Variants in DPH6 observed in about 807,000 individuals in gnomAD.
DPH6 encodes the protein diphthine--ammonia ligase.
DPH6 carries 33 observed loss-of-function variants against 38.2 expected under a neutral mutation model. The ratio of observed to expected loss-of-function variants is 0.86; its 90% CI spans 0.65 to 1.15. The LOEUF (loss-of-function observed/expected upper bound fraction) is 1.15. Ranked by LOEUF, DPH6 falls within the 50% of genes most tolerant of loss-of-function variation. The pLI is 0.00. For synonymous variants in DPH6, 108 were observed against 103.0 expected, an observed-to-expected ratio of 1.05 and a Z score of -0.30; for missense variants, 325 against 320.0, an observed-to-expected ratio of 1.02 and a Z score of -0.12.
At chr15:35,243,107 C>T (rs1203619888) in intron 3 of DPH6, among the ~76,000 whole-genome samples, 2 of 141,982 alleles carry the variant, frequency 1.4e-5, no homozygotes, top group African/African-American at 5.1e-5. Context: ...TGTTTTTCTC[C>T]TTCTCTTATT....
At chr15:35,496,567 A>ATATATATAT (rs1555406398) in intron 3 of DPH6, among the ~76,000 whole-genome samples, 17 of 31,012 alleles carry the variant, frequency 5.5e-4, no homozygotes, top group East Asian at 6.1e-3. Flanking sequence ...AAAAAAAAAA[A>ATATATATAT]ATATATATAT....
the DPH6 span, among the ~76,000 whole-genome samples, chr15:35,146,497 G>A: frequency 6.6e-6 from 1 of 152,012 alleles, no homozygotes; most frequent in African/African-American, 2.4e-5. Context: ...TGGATGTTAT[G>A]ATGAGAGGGA....
intron 3 of DPH6, among the ~76,000 whole-genome samples, chr15:35,509,207 C>G: frequency 6.6e-6 from 1 of 152,184 alleles, no homozygotes; most frequent in Admixed American, 6.5e-5. Context: ...AATGAGTCCT[C>G]TATTTTCTTC....
chr15:35,489,308 A>T, intron 3 of DPH6: 1 of 983,206 alleles, frequency 1.0e-6, no homozygotes, highest in Non-Finnish European at 1.2e-6. Context: ...ATAAGCAAAG[A>T]GAAGCAGTGA....
intron 3 of DPH6, among the ~76,000 whole-genome samples, chr15:35,497,405 A>G (rs2054571854): frequency 6.6e-6 from 1 of 152,202 alleles, no homozygotes; most frequent in South Asian, 2.1e-4. Context: ...TTTAACACCA[A>G]CATATAAAGT....
At chr15:35,511,608 C>T (rs2054772967) in intron 3 of DPH6, among the ~76,000 whole-genome samples, 2 of 151,988 alleles carry the variant, frequency 1.3e-5, no homozygotes, top group Non-Finnish European at 2.9e-5. Flanking sequence ...CTCCTCTCAA[C>T]AACACTTGCA....
downstream of DPH6, among the ~76,000 whole-genome samples, chr15:35,217,085 T>C (rs1417790531): frequency 6.6e-6 from 1 of 152,102 alleles, no homozygotes; most frequent in Admixed American, 6.5e-5. Flanking sequence ...TAATAGCAAA[T>C]GTAAGTGATA....
chr15:35,206,127 A>G, the DPH6 span, among the ~76,000 whole-genome samples: 1 of 152,156 alleles, frequency 6.6e-6, no homozygotes, highest in South Asian at 2.1e-4. Flanking sequence ...GCATGGCTAT[A>G]TGCTTCTAGT....
chr15:35,429,186 T>C (rs566885699), intron 5 of DPH6, among the ~76,000 whole-genome samples: 3 of 152,156 alleles, frequency 2.0e-5, no homozygotes, highest in African/African-American at 7.2e-5. Flanking sequence ...TAGATCTCCT[T>C]AGCTGCTTTG....
At chr15:35,306,266 G>GT (rs976883980) in intron 3 of DPH6, among the ~76,000 whole-genome samples, 3 of 152,288 alleles carry the variant, frequency 2.0e-5, no homozygotes, top group South Asian at 2.1e-4. Context: ...TTTCTAAACT[G>GT]TTTTTTATAA....
intron 3 of DPH6, among the ~76,000 whole-genome samples, chr15:35,486,383 G>A (rs1260766753): frequency 6.6e-6 from 1 of 152,008 alleles, no homozygotes; most frequent in African/African-American, 2.4e-5. Context: ...AAGAAAAAAG[G>A]TTTAACTGAT....
intron 4 of DPH6, among the ~76,000 whole-genome samples, chr15:35,452,057 T>G (rs2053942032): frequency 6.6e-6 from 1 of 151,956 alleles, no homozygotes; most frequent in Non-Finnish European, 1.5e-5. Flanking sequence ...ATCATAGGAT[T>G]CCTCTGCTCA....
intron 3 of DPH6, among the ~76,000 whole-genome samples, chr15:35,294,229 C>T (rs966582136): frequency 3.3e-5 from 5 of 152,184 alleles, no homozygotes; most frequent in South Asian, 4.1e-4. Flanking sequence ...CTGAATCTAT[C>T]CTACTCCCTC....
chr15:35,213,120 A>G (rs2051395694), downstream of DPH6, among the ~76,000 whole-genome samples: 1 of 152,238 alleles, frequency 6.6e-6, no homozygotes, highest in South Asian at 2.1e-4. Flanking sequence ...GCTAGTCCTT[A>G]TCTGTCTGAG....
chr15:35,339,413 C>T (rs1241295815), intron 3 of DPH6, among the ~76,000 whole-genome samples: 1 of 151,962 alleles, frequency 6.6e-6, no homozygotes, highest in Non-Finnish European at 1.5e-5. Context: ...CAACCTCTGC[C>T]TCCTGGATTC....
chr15:35,172,368 G>A, the DPH6 span, among the ~76,000 whole-genome samples: 1 of 152,170 alleles, frequency 6.6e-6, no homozygotes, highest in Non-Finnish European at 1.5e-5. Flanking sequence ...AAAACAAGGT[G>A]TTTAGGGTAA....
intron 2 of DPH6, among the ~76,000 whole-genome samples, chr15:35,540,511 C>T (rs1653711883): frequency 6.6e-6 from 1 of 152,014 alleles, no homozygotes; most frequent in Non-Finnish European, 1.5e-5. Flanking sequence ...CAATGTCCTG[C>T]TGATTTTCAT....
At chr15:35,199,804 T>A in the DPH6 span, among the ~76,000 whole-genome samples, 1 of 151,864 alleles carries the variant, frequency 6.6e-6, no homozygotes, top group Admixed American at 6.6e-5. Flanking sequence ...AATACTGTTG[T>A]CCTGGAAATA....
chr15:35,280,941 T>C (rs1381593114), intron 3 of DPH6, among the ~76,000 whole-genome samples: 3 of 152,188 alleles, frequency 2.0e-5, no homozygotes, highest in Non-Finnish European at 2.9e-5. Flanking sequence ...ATATGATATA[T>C]ATATTTTTTG....
Sources: allele counts gnomAD v4.1 joint callset (sites outside exome capture counted in the v4.1 genomes callset), GRCh38; gene constraint gnomAD v4.1.1; transcripts MANE v1.5; gene names NCBI Gene and HGNC (gene_info 2026-07-23, HGNC 2026-07-21).